The following MRPL1 variants were observed in gnomAD, a reference collection of about 807,000 sequenced individuals.
MRPL1 encodes large ribosomal subunit protein uL1m.
In MRPL1, 28 loss-of-function variants were observed where a neutral mutation model predicts 38.0. That is an observed-to-expected ratio of 0.74 (90% CI 0.55 to 1.01). The LOEUF is 1.01. Ranked by LOEUF, MRPL1 falls within the 50% of genes least tolerant of loss-of-function variation. MRPL1 has a pLI of 0.00. For synonymous variants in MRPL1, 123 were observed against 126.7 expected (o/e 0.97, Z 0.20); for missense variants, 358 against 389.8 (o/e 0.92, Z 0.69).
At chr4:77,940,653 C>T (rs781229365) in intron 7 of MRPL1, among the ~76,000 whole-genome samples, 3 of 152,094 alleles carry the variant, frequency 2.0e-5, no homozygotes, top group Non-Finnish European at 4.4e-5. Flanking sequence ...TCAACTTTTC[C>T]CCATTCAGTA....
At chr4:77,870,020 C>T (rs1455829176) in intron 1 of MRPL1, among the ~76,000 whole-genome samples, 1 of 152,154 alleles carries the variant, frequency 6.6e-6, no homozygotes, top group Non-Finnish European at 1.5e-5. Context: ...CCCACCTCAG[C>T]TTCCTGAGTA....
intron 7 of MRPL1, among the ~76,000 whole-genome samples, chr4:77,939,011 T>A (rs982133974): frequency 6.6e-6 from 1 of 152,172 alleles, no homozygotes; most frequent in Non-Finnish European, 1.5e-5. Flanking sequence ...TTTGGTACAC[T>A]CATCACCCGA....
intron 1 of MRPL1, among the ~76,000 whole-genome samples, chr4:77,865,972 T>G (rs1347636152): frequency 6.6e-6 from 1 of 152,248 alleles, no homozygotes; most frequent in Non-Finnish European, 1.5e-5. Context: ...CACTATTTAT[T>G]GAGCACTTCA....
chr4:77,894,100 C>T (rs1735862954), intron 5 of MRPL1, 39 bp from the exon 6 acceptor site: 5 of 1,132,080 alleles, frequency 4.4e-6, no homozygotes, highest in African/African-American at 3.2e-5. Flanking sequence ...TAAAGCTTTT[C>T]ATCTCATCTG....
Position 77,865,572 on chromosome 4 carries a change from C to T in MRPL1, c.31+2693C>T, listed in dbSNP as rs1033345460. On this transcript the variant is annotated intron_variant, in intron 1 of 8. Transcript: ENST00000315567. ...GTAGAGATGAGATCTCACTGTGTTG[C>T]CCAGGCTGCTCTCGAGCTCCTGGGC... is the stretch of plus-strand genomic sequence containing the variant. Among the ~76,000 whole-genome samples, 12 of 151,948 alleles carry T rather than the reference C, an allele frequency of 7.9e-5. No individual in the cohort carries two copies. The South Asian group carries it at 1.0e-3, about 13-fold the overall frequency.
At chr4:77,907,674 C>T (rs1736189793) in intron 6 of MRPL1, among the ~76,000 whole-genome samples, 2 of 151,994 alleles carry the variant, frequency 1.3e-5, no homozygotes, top group South Asian at 4.2e-4. Context: ...AAGTGATCCT[C>T]CTGCCTCAAC....
chr4:77,877,317 C>A (rs539040297), intron 2 of MRPL1, among the ~76,000 whole-genome samples: 83 of 152,198 alleles, frequency 5.5e-4, no homozygotes, highest in African/African-American at 1.9e-3. Flanking sequence ...TCTGTCAGAG[C>A]ATTGAGTCAA....
chr4:77,883,456 AGT>A lies in MRPL1; in HGVS notation c.361_362del (p.Val121LeufsTer3), dbSNP rs776001014. On this transcript the variant is annotated frameshift_variant, in exon 3 of 9. Transcript: ENST00000315567. LOFTEE classifies it high-confidence loss of function. Reference sequence around the variant, plus strand: ...TCTTGACTTTACTAGTCCAAAGCAAAGTGTTTATCTTGATTTGACACTGGATA... The same window carrying A: ...TCTTGACTTTACTAGTCCAAAGCAAAGTTTATCTTGATTTGACACTGGATA... ...QILDFTSPKQSVYLDLTLDMA... is the reference protein window; with the variant it reads ...QILDFTSPKQXVYLDLTLDMA... 6.2e-7 allele frequency: 1 copy of A among 1,613,854 alleles called. No homozygotes were observed. Among genetic ancestry groups the A allele is most frequent in the Non-Finnish European group, 8.5e-7 (1 of 1,179,870 alleles).
intron 7 of MRPL1, among the ~76,000 whole-genome samples, chr4:77,926,635 G>A (rs1578057480): frequency 3.5e-5 from 5 of 143,598 alleles, no homozygotes; most frequent in African/African-American, 2.6e-5. Flanking sequence ...TTGAGACAGA[G>A]TCTCACTCTG....
intron 7 of MRPL1, among the ~76,000 whole-genome samples, chr4:77,949,127 A>G (rs1013727024): frequency 6.6e-6 from 1 of 152,222 alleles, no homozygotes; most frequent in Admixed American, 6.5e-5. Context: ...AAACATTTGA[A>G]TGTAATATAA....
chr4:77,900,036 C>A (rs1736000697), intron 6 of MRPL1, among the ~76,000 whole-genome samples: 1 of 152,160 alleles, frequency 6.6e-6, no homozygotes, highest in Non-Finnish European at 1.5e-5. Context: ...AAATGAGTTT[C>A]ATTATAACAT....
chr4:77,951,871 T>C (rs1440194235), intron 8 of MRPL1, among the ~76,000 whole-genome samples: 1 of 152,190 alleles, frequency 6.6e-6, no homozygotes, highest in Non-Finnish European at 1.5e-5. Context: ...TTCCCACCTA[T>C]GCTCTGACCT....
At chr4:77,941,221 C>T (rs546769596) in intron 7 of MRPL1, among the ~76,000 whole-genome samples, 29 of 150,632 alleles carry the variant, frequency 1.9e-4, no homozygotes, top group Middle Eastern at 3.4e-3. Context: ...TCCAGGATCA[C>T]GCAATTGCAC....
intron 7 of MRPL1, among the ~76,000 whole-genome samples, chr4:77,932,036 T>A (rs1736856161): frequency 1.3e-5 from 2 of 152,138 alleles, no homozygotes. Flanking sequence ...AGAGATTTCT[T>A]TTAGAAAAAC....
chr4:77,893,219 C>G (rs531117044), intron 5 of MRPL1, among the ~76,000 whole-genome samples: 1 of 152,272 alleles, frequency 6.6e-6, no homozygotes, highest in South Asian at 2.1e-4. Flanking sequence ...TGGCTTCAAG[C>G]AATCCTCCCA....
intron 6 of MRPL1, among the ~76,000 whole-genome samples, chr4:77,902,377 C>A: frequency 7.7e-6 from 1 of 130,658 alleles, no homozygotes; most frequent in South Asian, 2.6e-4. Context: ...ATAGTGAGAC[C>A]GGCTTTCTAA....
At chr4:77,862,914 T>C (rs1735034876) in intron 1 of MRPL1, 35 bp downstream of exon 1, 1 of 1,613,770 alleles carries the variant, frequency 6.2e-7, no homozygotes, top group African/African-American at 1.3e-5. Context: ...GGGAAATGGC[T>C]CTGGCACCGA....
chr4:77,872,134 A>C (rs1416659145), intron 2 of MRPL1, among the ~76,000 whole-genome samples: 1 of 152,210 alleles, frequency 6.6e-6, no homozygotes, highest in Non-Finnish European at 1.5e-5. Flanking sequence ...AGGCACTGGT[A>C]GGTTATATAA....
chr4:77,939,093 A>C (rs1737058517), intron 7 of MRPL1, among the ~76,000 whole-genome samples: 1 of 152,002 alleles, frequency 6.6e-6, no homozygotes, highest in Admixed American at 6.6e-5. Context: ...TTGATTCCCC[A>C]AAGTCCACTA....
Sources: allele counts gnomAD v4.1 joint callset (sites outside exome capture counted in the v4.1 genomes callset), GRCh38; gene constraint gnomAD v4.1.1; transcripts MANE v1.5; gene names NCBI Gene and HGNC (gene_info 2026-07-23, HGNC 2026-07-21).